The following ZSCAN23 variants were observed in gnomAD, a reference collection of about 807,000 sequenced individuals.
ZSCAN23 encodes the protein zinc finger and SCAN domain containing 23.
In ZSCAN23, 19 loss-of-function variants were observed where a neutral mutation model predicts 19.3. The observed-to-expected ratio is 0.99, with a 90% CI of 0.69 to 1.45. The LOEUF is 1.45. ZSCAN23 is among the 40% of genes most tolerant of loss of function. The probability of loss-of-function intolerance (pLI) is 0.00; values close to 1 mark genes in which losing one functional copy is unlikely to be tolerated. For synonymous variants in ZSCAN23, 140 were observed against 166.2 expected (o/e 0.84, Z 1.21); for missense variants, 372 against 462.5 (o/e 0.80, Z 1.79).
chr6:28,431,247 C>T (rs989717509), downstream of ZSCAN23, among the ~76,000 whole-genome samples: 5 of 152,186 alleles, frequency 3.3e-5, no homozygotes. Context: ...TCTGCCTTAG[C>T]TTTCATGACA....
intron 1 of ZSCAN23, among the ~76,000 whole-genome samples, chr6:28,440,386 C>G (rs1329969389): frequency 1.3e-5 from 2 of 152,144 alleles, no homozygotes; most frequent in Admixed American, 6.5e-5. Flanking sequence ...AAGCATAACT[C>G]TAGCCGCTGT....
chr6:28,428,661 C>T (rs1196848058), downstream of ZSCAN23, among the ~76,000 whole-genome samples: 1 of 152,188 alleles, frequency 6.6e-6, no homozygotes, highest in Non-Finnish European at 1.5e-5. Flanking sequence ...TTGCCCCTTT[C>T]CAATTCATTC....
chr6:28,434,274 A>G lies in ZSCAN23; in HGVS notation c.*191T>C, dbSNP rs1761821798. On this transcript the variant is annotated 3_prime_UTR_variant, in exon 4 of 4. Coordinates refer to ENST00000289788, the MANE Select transcript of ZSCAN23 (RefSeq NM_001012455.2). ...CAGCATACATGATGAAATCAACACA[A>G]GAGGCAACATTCAGTATTGCAAAGC... The G allele has an allele frequency of 1.7e-6, 1 of 591,652 alleles. No homozygotes were observed. The highest frequency in any genetic ancestry group is 2.8e-6 in the Non-Finnish European group (1 of 353,450). 36.7% of individuals were successfully genotyped at this position (591,652 alleles called of 1,614,324 possible).
chr6:28,442,043 C>A (rs968799870), intron 1 of ZSCAN23, among the ~76,000 whole-genome samples: 1 of 151,710 alleles, frequency 6.6e-6, no homozygotes, highest in African/African-American at 2.4e-5. Context: ...ACTCCTGGCT[C>A]ATTTTTGCAT....
At chr6:28,430,402 G>T (rs1213865733), downstream of ZSCAN23, among the ~76,000 whole-genome samples, 2 of 152,014 alleles carry the variant, frequency 1.3e-5, no homozygotes, top group African/African-American at 4.8e-5. Flanking sequence ...ACCAACCCCA[G>T]GTCTGGTATT....
intron 1 of ZSCAN23, 86 bp from the exon 2 acceptor site, chr6:28,436,429 G>C (rs1269846969): frequency 1.6e-6 from 1 of 635,728 alleles, no homozygotes; most frequent in African/African-American, 1.8e-5. Context: ...ACTAAAATCA[G>C]TCACTCTGTC....
downstream of ZSCAN23, among the ~76,000 whole-genome samples, chr6:28,432,470 T>C (rs777051631): frequency 5.6e-4 from 85 of 152,294 alleles, no homozygotes; most frequent in Non-Finnish European, 1.0e-3. Context: ...TGTAAGAATA[T>C]GTGATAGAAC....
intron 1 of ZSCAN23, among the ~76,000 whole-genome samples, chr6:28,437,954 T>C (rs957510681): frequency 6.6e-6 from 1 of 151,950 alleles, no homozygotes; most frequent in African/African-American, 2.4e-5. Flanking sequence ...ATAAAATCTA[T>C]GTGGTGGGTT....
At chr6:28,440,528 C>A (rs1183143990) in intron 1 of ZSCAN23, among the ~76,000 whole-genome samples, 3 of 148,030 alleles carry the variant, frequency 2.0e-5, no homozygotes, top group Non-Finnish European at 4.6e-5. Context: ...GTAGAAATAT[C>A]AAATAGCTAA....
chr6:28,442,361 G>C (rs768970358), intron 1 of ZSCAN23, among the ~76,000 whole-genome samples: 7 of 152,192 alleles, frequency 4.6e-5, no homozygotes, highest in Non-Finnish European at 8.8e-5. Flanking sequence ...CTTTTAATAA[G>C]ATAATGTACA....
At chr6:28,441,798 C>T (rs576637125) in intron 1 of ZSCAN23, among the ~76,000 whole-genome samples, 4 of 151,450 alleles carry the variant, frequency 2.6e-5, no homozygotes, top group Admixed American at 6.6e-5. Flanking sequence ...TTGATATAAG[C>T]CCATATATTT....
chr6:28,436,338 C>A lies in ZSCAN23; in HGVS notation c.-72G>T. ...CCTTGATCTTTTCTTCTGGAAACCCCGAGATCTAGACAATAATTTACGAAG... is the reference window on the plus strand; with the variant it reads ...CCTTGATCTTTTCTTCTGGAAACCCAGAGATCTAGACAATAATTTACGAAG... On this transcript the variant is annotated 5_prime_UTR_variant, in exon 2 of 4. Transcript: ENST00000289788. 7.2e-7 allele frequency: 1 copy of A among 1,381,894 alleles called. No individual in the cohort carries two copies. The highest frequency in any genetic ancestry group is 9.5e-7 in the Non-Finnish European group (1 of 1,047,912). The allele number at this position is 1,381,894 out of a possible 1,614,324, so 85.6% of individuals were successfully genotyped here. A position where few individuals can be genotyped will look rare whatever the true frequency, so the allele number is the denominator to read the frequency against.
downstream of ZSCAN23, among the ~76,000 whole-genome samples, chr6:28,427,432 T>G (rs947968497): frequency 6.6e-6 from 1 of 152,338 alleles, no homozygotes; most frequent in African/African-American, 2.4e-5. Context: ...TGTGAGAATA[T>G]CATAGACTGT....
downstream of ZSCAN23, among the ~76,000 whole-genome samples, chr6:28,429,819 G>A (rs1761723687): frequency 6.6e-6 from 1 of 152,210 alleles, no homozygotes; most frequent in Admixed American, 6.5e-5. Context: ...CTGGATCGCT[G>A]AGAAAGTATA....
chr6:28,426,001 C>T, the ZSCAN23 span, among the ~76,000 whole-genome samples: 4 of 152,214 alleles, frequency 2.6e-5, no homozygotes, highest in East Asian at 7.7e-4. Flanking sequence ...CCTCATCTCT[C>T]TCAGCCGTCA....
Position 28,434,648 on chromosome 6 carries a change from C to T in ZSCAN23, c.987G>A (p.Gly329=), listed in dbSNP as rs1335701363. 6.4e-7 allele frequency: 1 copy of T among 1,565,064 alleles called. No individual in the cohort carries two copies. Among genetic ancestry groups the T allele is most frequent in the African/African-American group, 1.4e-5 (1 of 73,350 alleles). The change falls in exon 4 of 4, where the codon GGG becomes GGA. Residue 329 remains glycine, a synonymous_variant. Coordinates refer to ENST00000289788, the MANE Select transcript of ZSCAN23 (RefSeq NM_001012455.2). ...GLFHHLRIHT[G]EKPYQCNQCN... ...ACTGATTGCACTGGTAAGGCTTCTC[C>T]CCAGTGTGAATTCTGAGGTGATGGA...
intron 1 of ZSCAN23, among the ~76,000 whole-genome samples, chr6:28,437,766 C>A (rs1324479890): frequency 6.6e-6 from 1 of 152,070 alleles, no homozygotes; most frequent in Non-Finnish European, 1.5e-5. Flanking sequence ...TATATTATAA[C>A]CCAGAACACA....
chr6:28,427,853 G>A (rs1761688812), downstream of ZSCAN23, among the ~76,000 whole-genome samples: 1 of 152,156 alleles, frequency 6.6e-6, no homozygotes, highest in South Asian at 2.1e-4. Context: ...GCTGAGGCGG[G>A]TGGATCACCT....
downstream of ZSCAN23, among the ~76,000 whole-genome samples, chr6:28,431,063 T>C (rs1761751502): frequency 6.6e-6 from 1 of 151,648 alleles, no homozygotes; most frequent in Non-Finnish European, 1.5e-5. Context: ...CTTAGGTAAC[T>C]AGTTATGTTA....
Sources: gnomAD v4.1 joint callset for allele counts (sites outside exome capture counted in the v4.1 genomes callset) on GRCh38, gnomAD v4.1.1 for gene constraint, MANE v1.5 for transcripts, NCBI Gene and HGNC (gene_info 2026-07-23, HGNC 2026-07-21) for gene names.